The following SCARF2 variants were observed in gnomAD, a reference collection of about 807,000 sequenced individuals.
The protein encoded by SCARF2 is scavenger receptor expressed by endothelial cells 2 protein.
In SCARF2, 39 loss-of-function variants were observed where a neutral mutation model predicts 73.4. The ratio of observed to expected loss-of-function variants is 0.53; its 90% confidence interval spans 0.41 to 0.69. The LOEUF is 0.69. Ranked by LOEUF, SCARF2 falls within the 30% of genes least tolerant of loss-of-function variation. The probability of loss-of-function intolerance (pLI) is 0.00; values close to 1 mark genes in which losing one functional copy is unlikely to be tolerated. For missense variants in SCARF2, 1,148 were observed against 1,303.5 expected, an observed-to-expected ratio of 0.88 and a Z score of 1.84; for synonymous variants, 605 against 590.0, an observed-to-expected ratio of 1.03 and a Z score of -0.37.
In SCARF2 at chr22:20,425,500, T is replaced by C; in HGVS notation, c.2476A>G (p.Lys826Glu). 3 of 1,360,594 alleles carry C rather than the reference T, an allele frequency of 2.2e-6. No homozygotes were observed. Among genetic ancestry groups the C allele is most frequent in the South Asian group, 3.6e-5 (2 of 55,632 alleles). The allele number at this position is 1,360,594 out of a possible 1,614,324, so 84.3% of individuals were successfully genotyped here. ...GGCGCGGGCAAGTCGGTCGCCGCCTTCTCAGGCCCCGGGGTTTCGGTCGCT... is the reference window on the plus strand; with the variant it reads ...GGCGCGGGCAAGTCGGTCGCCGCCTCCTCAGGCCCCGGGGTTTCGGTCGCT... ...PPATETPGPE[K>E]AATDLPAPET... The change falls in exon 11 of 11, where the codon AAG becomes GAG. Residue 826 changes from lysine (K) to glutamate (E), a missense_variant. Physicochemically the swap from Lys to Glu is moderately conservative, Grantham distance 56 (BLOSUM62 1). Transcript: ENST00000622235. This position sits in a 1 kb window ranked among gnomAD's most constrained non-coding sequence, Gnocchi z 4.6.
chr22:20,428,882 A>T (rs546050839), intron 9 of SCARF2, among the ~76,000 whole-genome samples: 1 of 152,190 alleles, frequency 6.6e-6, no homozygotes, highest in South Asian at 2.1e-4. Flanking sequence ...GCATTCCCCC[A>T]GCAGCTCTGG....
chr22:20,426,696 A>G, intron 10 of SCARF2, among the ~76,000 whole-genome samples: 1 of 151,986 alleles, frequency 6.6e-6, no homozygotes, highest in Non-Finnish European at 1.5e-5. Flanking sequence ...GCACTTTGGG[A>G]GGCTGCGGTC....
In SCARF2 at chr22:20,430,514, C is replaced by T. The variant is rs766902801; in HGVS notation, c.1117G>A (p.Ala373Thr). The T allele has an allele frequency of 3.2e-5, 51 of 1,606,280 alleles. No individual in the cohort carries two copies. The highest frequency in any genetic ancestry group is 4.2e-5 in the Non-Finnish European group (49 of 1,177,004). The stretch of plus-strand genomic sequence containing the variant: ...CTGCCGCAGTCGGCGCACACGAAGG[C>T]GCAGTCCTCGCCGTAAGTGCCATTG... ...CSNGTYGEDC[A>T]FVCADCGSGH... The change falls in exon 6 of 11, where the codon GCC becomes ACC. Residue 373 changes from alanine (A) to threonine (T), a missense_variant. Ala to Thr is a moderately conservative substitution (Grantham distance 58). This residue lies in a region of SCARF2 where 372 missense variants were observed against 532.0 expected (regional missense o/e 0.70). Transcript: ENST00000622235.
intron 1 of SCARF2, among the ~76,000 whole-genome samples, chr22:20,436,467 C>A (rs1467084326): frequency 1.3e-5 from 2 of 152,002 alleles, no homozygotes; most frequent in Admixed American, 6.5e-5. Flanking sequence ...AAGCAGATGG[C>A]GGGCCAGGCC....
chr22:20,426,105 G>A lies in SCARF2; in HGVS notation c.1871C>T (p.Ala624Val). The A allele has an allele frequency of 6.7e-7, 1 of 1,485,650 alleles. No homozygotes were observed. The highest frequency in any genetic ancestry group is 8.9e-7 in the Non-Finnish European group (1 of 1,127,878). The allele number at this position is 1,485,650 out of a possible 1,614,324, so 92.0% of individuals were successfully genotyped here. The change falls in exon 11 of 11, where the codon GCG (alanine) becomes GTG (valine). Residue 624 changes from alanine to valine, a missense_variant. Ala to Val is a moderately conservative substitution (Grantham distance 64). This residue lies in a region of SCARF2 where 437 missense variants were observed against 433.6 expected (regional missense o/e 1.01). Transcript: ENST00000622235. ...CCGGGCCTCGCGTCGGGCCACGCGC[G>A]CGTACAGAGCCCCTCCGGGCCCCTC... ...SVEGPGGALY[A>V]RVARREARPA...
At chr22:20,428,210 TCCTCCCTCCCTCCCTC>T (rs3072077) in intron 9 of SCARF2, among the ~76,000 whole-genome samples, 25 of 142,782 alleles carry the variant, frequency 1.8e-4, no homozygotes, top group Non-Finnish European at 2.3e-4. Flanking sequence ...TTGGGGTTTC[TCCTCCCTCCCTCCCTC>T]CCTCCCTCCC....
Position 20,431,482 on chromosome 22 carries a change from T to A in SCARF2, c.390A>T (p.Pro130=). The change falls in exon 4 of 11, where the codon CCA becomes CCT. Residue 130 remains proline, a synonymous_variant. Transcript: ENST00000622235. ...PDCKELCSCH[P]HGQCEDVTGQ... ...CTGTCACGTCCTCGCACTGCCCGTG[T>A]GGGTGGCAGCTACACAGCTCCTTGC... The A allele has an allele frequency of 6.4e-7, 1 of 1,573,246 alleles. No individual in the cohort carries two copies. The highest frequency in any genetic ancestry group is 8.6e-7 in the Non-Finnish European group (1 of 1,168,276).
chr22:20,428,819 A>T (rs2052609120), intron 9 of SCARF2, among the ~76,000 whole-genome samples: 1 of 151,942 alleles, frequency 6.6e-6, no homozygotes, highest in African/African-American at 2.4e-5. Flanking sequence ...ACTGCTGGGG[A>T]TGTAGGCAGG....
chr22:20,431,148 G>A lies in SCARF2; in HGVS notation c.724C>T (p.Arg242Cys). Reference sequence around the variant, plus strand: ...CGGCCGCGGAAGCACTGGCAGTAGCGATCGCAGCGCGCGCCGAACGTACGC... The same window carrying A: ...CGGCCGCGGAAGCACTGGCAGTAGCAATCGCAGCGCGCGCCGAACGTACGC... ...RERTFGARCDRYCQCFRGRCH... is the reference protein window; with the variant it reads ...RERTFGARCDCYCQCFRGRCH... Residue 242 changes from arginine to cysteine, a missense_variant, in exon 4 of 11, where the codon CGC (arginine) becomes TGC (cysteine). By Grantham distance (180) the Arg-to-Cys change is radical. This residue lies in a region of SCARF2 where 372 missense variants were observed against 532.0 expected (regional missense o/e 0.70). Coordinates refer to ENST00000622235, the MANE Select transcript of SCARF2 (RefSeq NM_182895.5). The A allele has an allele frequency of 6.4e-7, 1 of 1,567,792 alleles. No individual in the cohort carries two copies. Among genetic ancestry groups the A allele is most frequent in the Non-Finnish European group, 8.6e-7 (1 of 1,165,806 alleles).
In SCARF2 at chr22:20,429,361, C is replaced by T. The variant is rs762465320; in HGVS notation, c.1425-21G>A. ...GCTCCCTGCGGGGGCGGGGTCTGAG[C>T]GGAGGGGCGGGGCCGGGGCGGGGCC... On this transcript the variant is annotated intron_variant, in intron 8 of 10. Coordinates refer to ENST00000622235, the MANE Select transcript of SCARF2 (RefSeq NM_182895.5). The surrounding 1 kb of genome is among the most constrained non-coding windows in gnomAD (Gnocchi z 5.2). The T allele has an allele frequency of 1.9e-5, 10 of 530,092 alleles. No individual in the cohort carries two copies. The East Asian group carries it at 2.6e-4, about 14-fold the overall frequency. The allele number at this position is 530,092 out of a possible 1,614,324, so 32.8% of individuals were successfully genotyped here. A position where few individuals can be genotyped will look rare whatever the true frequency, so the allele number is the denominator to read the frequency against.
At position 20,430,821 on chromosome 22, in the gene SCARF2, G is replaced by A. The variant is rs1045541109; in HGVS notation, c.942C>T (p.Cys314=). The change falls in exon 5 of 11, where the codon TGC becomes TGT. Residue 314 remains cysteine (C), a synonymous_variant. Transcript: ENST00000622235. ...TCEPGWNGTK[C]DQPCATGFYG... is the part of the protein sequence containing the mutation. ...AGAAACCGGTGGCGCAAGGCTGGTC[G>A]CACTTGGTTCCGTTCCAGCCGGGCT... is the stretch of plus-strand genomic sequence containing the variant. 2 of 1,607,086 alleles carry A rather than the reference G, an allele frequency of 1.2e-6. No homozygotes were observed. Among genetic ancestry groups the A allele is most frequent in the Non-Finnish European group, 1.7e-6 (2 of 1,177,918 alleles).
rs361739 is a variant in SCARF2, at chr22:20,431,377, C to A, written c.495G>T (p.Pro165=). Residue 165 remains proline (P), a synonymous_variant, in exon 4 of 11, where the codon CCG becomes CCT. Coordinates refer to ENST00000622235, the MANE Select transcript of SCARF2 (RefSeq NM_182895.5). Reference sequence around the variant, plus strand: ...GCTCACAGCGGCACGCGCCGCTCCGCGGGTGGCACGTGCCGTGCTGGCACT... The same window carrying A: ...GCTCACAGCGGCACGCGCCGCTCCGAGGGTGGCACGTGCCGTGCTGGCACT... The part of the protein sequence containing the change: ...ACQCQHGTCH[P]RSGACRCEPG... 6.6e-7 allele frequency: 1 copy of A among 1,520,860 alleles called. No individual in the cohort carries two copies. 94.2% of individuals were successfully genotyped at this position (1,520,860 alleles called of 1,614,324 possible).
In SCARF2 at chr22:20,430,499, C is replaced by T; in HGVS notation, c.1132G>A (p.Asp378Asn). 6.2e-7 allele frequency: 1 copy of T among 1,603,010 alleles called. No individual in the cohort carries two copies. ...YGEDCAFVCA[D>N]CGSGHCDFQS... ...AAGTCGCAGTGTCCGCTGCCGCAGTCGGCGCACACGAAGGCGCAGTCCTCG... is the reference window on the plus strand; with the variant it reads ...AAGTCGCAGTGTCCGCTGCCGCAGTTGGCGCACACGAAGGCGCAGTCCTCG... Residue 378 changes from aspartate (D) to asparagine (N), a missense_variant, in exon 6 of 11, where the codon GAC becomes AAC. Physicochemically the swap from Asp to Asn is conservative, Grantham distance 23. This residue lies in a region of SCARF2 where 372 missense variants were observed against 532.0 expected (regional missense o/e 0.70). Coordinates refer to ENST00000622235, the MANE Select transcript of SCARF2 (RefSeq NM_182895.5).
chr22:20,425,984 C>T lies in SCARF2; in HGVS notation c.1992G>A (p.Lys664=). The change falls in exon 11 of 11, where the codon AAG becomes AAA. Residue 664 remains lysine, a synonymous_variant. Transcript: ENST00000622235. The surrounding 1 kb of genome is among the most constrained non-coding windows in gnomAD (Gnocchi z 4.6). ...PPPPDPATKP[K]VSWIHGKHSA... is the part of the protein sequence containing the mutation. ...TGTGCTTGCCGTGGATCCAGGACACCTTAGGCTTGGTGGCGGGGTCAGGTG... is the reference window on the plus strand; with the variant it reads ...TGTGCTTGCCGTGGATCCAGGACACTTTAGGCTTGGTGGCGGGGTCAGGTG... 1.3e-6 allele frequency: 2 copies of T among 1,589,500 alleles called. No homozygotes were observed. The highest frequency in any genetic ancestry group is 2.2e-5 in the South Asian group (2 of 89,170).
chr22:20,426,035 T>C lies in SCARF2; in HGVS notation c.1941A>G (p.Pro647=), dbSNP rs1468077035. The C allele has an allele frequency of 6.3e-7, 1 of 1,577,878 alleles. No individual in the cohort carries two copies. The highest frequency in any genetic ancestry group is 8.5e-7 in the Non-Finnish European group (1 of 1,170,390). Reference sequence around the variant, plus strand: ...GCGGCGGTTTCCTGCGCTCGGGCGATGGCGACAGCGACAGGCCCCCAATCT... The same window carrying C: ...GCGGCGGTTTCCTGCGCTCGGGCGACGGCGACAGCGACAGGCCCCCAATCT... ...RGEIGGLSLS[P]SPERRKPPPP... Residue 647 remains proline, a synonymous_variant, in exon 11 of 11, where the codon CCA becomes CCG. Transcript: ENST00000622235.
rs2052564763 is a variant in SCARF2 at position 20,425,620 on chromosome 22, C to A, written c.2356G>T (p.Val786Leu). The A allele has an allele frequency of 1.5e-6, 2 of 1,318,684 alleles. No individual in the cohort carries two copies. The highest frequency in any genetic ancestry group is 1.9e-6 in the Non-Finnish European group (2 of 1,036,350). 81.7% of individuals were successfully genotyped at this position (1,318,684 alleles called of 1,614,324 possible). Residue 786 changes from valine to leucine, a missense_variant, in exon 11 of 11, where the codon GTG (valine) becomes TTG (leucine). This residue lies in a region of SCARF2 where 169 missense variants were observed against 136.9 expected (regional missense o/e 1.23). Transcript: ENST00000622235. The surrounding 1 kb of genome is among the most constrained non-coding windows in gnomAD (Gnocchi z 4.6). ...GKTRSLGRAE[V>L]ALGAQGPREK... ...CTGGGGCCCTGCGCGCCCAGGGCCACCTCGGCGCGGCCCAGGCTGCGAGTC... is the reference window on the plus strand; with the variant it reads ...CTGGGGCCCTGCGCGCCCAGGGCCAACTCGGCGCGGCCCAGGCTGCGAGTC...
chr22:20,430,411 C>A lies in SCARF2; in HGVS notation c.1202+18G>T. 6.3e-7 allele frequency: 1 copy of A among 1,582,480 alleles called. No homozygotes were observed. Among genetic ancestry groups the A allele is most frequent in the African/African-American group, 1.3e-5 (1 of 74,262 alleles). On this transcript the variant is annotated intron_variant, in intron 6 of 10. Coordinates refer to ENST00000622235, the MANE Select transcript of SCARF2 (RefSeq NM_182895.5). Reference sequence around the variant, plus strand: ...CAGGTACAAGCCCCCAACCCCCTCCCGGTCCCGGGGCACTCACTGGGGCCC... The same window carrying A: ...CAGGTACAAGCCCCCAACCCCCTCCAGGTCCCGGGGCACTCACTGGGGCCC...
rs775360492 is a variant in SCARF2, at chr22:20,430,493, C to G, written c.1138G>C (p.Gly380Arg). ...GACTGGAAGTCGCAGTGTCCGCTGC[C>G]GCAGTCGGCGCACACGAAGGCGCAG... is the stretch of plus-strand genomic sequence containing the variant. ...EDCAFVCADC[G>R]SGHCDFQSGR... is the part of the protein sequence containing the mutation. The change falls in exon 6 of 11, where the codon GGC becomes CGC. Residue 380 changes from glycine (G) to arginine (R), a missense_variant. Physicochemically the swap from Gly to Arg is moderately radical, Grantham distance 125 (BLOSUM62 -2). Around this residue, in one of 5 missense-constraint regions of SCARF2, gnomAD observed 372 missense variants for 532.0 expected, o/e 0.70. Coordinates refer to ENST00000622235, the MANE Select transcript of SCARF2 (RefSeq NM_182895.5). 1.9e-6 allele frequency: 3 copies of G among 1,600,964 alleles called. No individual in the cohort carries two copies. The highest frequency in any genetic ancestry group is 2.6e-6 in the Non-Finnish European group (3 of 1,174,634).
Position 20,427,383 on chromosome 22 carries a change from T to C in SCARF2, c.1693+15A>G, listed in dbSNP as rs57590287. The stretch of plus-strand genomic sequence containing the variant: ...TCACTGGGCTGGAGTGATGCCCAGG[T>C]AGGGCCTTACTTACCCTCATGGGGT... On this transcript the variant is annotated intron_variant, in intron 10 of 10. Coordinates refer to ENST00000622235, the MANE Select transcript of SCARF2 (RefSeq NM_182895.5). 145,574 of 1,613,612 alleles carry C rather than the reference T, an allele frequency of 0.09. 13,042 individuals carry two copies. The highest frequency in any genetic ancestry group is 0.48 in the East Asian group (21,610 of 44,854).
Sources: gnomAD v4.1 joint callset for allele counts (sites outside exome capture counted in the v4.1 genomes callset) on GRCh38, gnomAD v4.1.1 for gene constraint, gnomAD v4.1.1 regional missense constraint, Gnocchi (gnomAD v3.1) non-coding constraint, MANE v1.5 for transcripts, NCBI Gene and HGNC (gene_info 2026-07-23, HGNC 2026-07-21) for gene names.